Variants in FRMD4A observed in about 807,000 individuals in gnomAD.
FRMD4A encodes FERM domain-containing protein 4A.
Under a neutral mutation model 129.1 loss-of-function variants are expected in FRMD4A, and 29 were observed. That is an observed-to-expected ratio of 0.22 (90% CI 0.17 to 0.31). The LOEUF (loss-of-function observed/expected upper bound fraction) is 0.31. Ranked by LOEUF, FRMD4A falls within the 10% of genes least tolerant of loss-of-function variation. The probability of loss-of-function intolerance (pLI) is 1.00; values close to 1 mark genes in which losing one functional copy is unlikely to be tolerated. For synonymous variants in FRMD4A, 634 were observed against 571.6 expected (o/e 1.11, Z -1.56); for missense variants, 1,272 against 1,375.8 (o/e 0.92, Z 1.19).
intron 2 of FRMD4A, among the ~76,000 whole-genome samples, chr10:14,180,965 T>C (rs1438550906): frequency 6.6e-6 from 1 of 152,226 alleles, no homozygotes; most frequent in African/African-American, 2.4e-5. Flanking sequence ...CGGTATGAGG[T>C]TCTATGCCTT....
intron 2 of FRMD4A, among the ~76,000 whole-genome samples, chr10:14,110,481 T>G (rs1374099411): frequency 6.6e-6 from 1 of 152,208 alleles, no homozygotes; most frequent in Non-Finnish European, 1.5e-5. Context: ...AAGGCTATTC[T>G]CTTTTATAAT....
chr10:13,946,202 C>T (rs2095330081), intron 2 of FRMD4A, among the ~76,000 whole-genome samples: 1 of 152,174 alleles, frequency 6.6e-6, no homozygotes, highest in South Asian at 2.1e-4. Flanking sequence ...CTTCCTGCAC[C>T]TCAGAGCTAG....
intron 2 of FRMD4A, among the ~76,000 whole-genome samples, chr10:14,042,924 C>CAAAA (rs57492155): frequency 6.0e-4 from 38 of 62,822 alleles, no homozygotes; most frequent in South Asian, 7.8e-4. Context: ...GACTCCATCT[C>CAAAA]AAAAAAAAAA....
rs543166783 is a variant in FRMD4A at position 14,150,528 on chromosome 10, T to C, written c.45+179530A>G. The stretch of plus-strand genomic sequence containing the variant: ...CAGCCAATGGATCTGCTTGTACTTC[T>C]TCTACCCTCTCCCAGCCTCCCCCAA... On this transcript the variant is annotated intron_variant, in intron 2 of 24. Transcript: ENST00000357447. Among the ~76,000 whole-genome samples the C allele has an allele frequency of 2.6e-5, 4 of 152,348 alleles. No individual in the cohort carries two copies. In the South Asian group the frequency reaches 8.3e-4, roughly 32 times the overall value.
At chr10:13,884,152 A>ACT (rs375940506) in intron 2 of FRMD4A, among the ~76,000 whole-genome samples, 1 of 23,386 alleles carries the variant, frequency 4.3e-5, no homozygotes, top group Admixed American at 3.1e-4. Flanking sequence ...ACTCTCACAC[A>ACT]CTCTCACACA....
intron 8 of FRMD4A, among the ~76,000 whole-genome samples, chr10:13,760,042 C>G (rs527707257): frequency 6.6e-6 from 1 of 151,644 alleles, no homozygotes; most frequent in South Asian, 2.1e-4. Context: ...AAAAAGAAAC[C>G]AAAAGAAGAA....
intron 4 of FRMD4A, among the ~76,000 whole-genome samples, chr10:13,802,056 T>C (rs2093268130): frequency 6.6e-6 from 1 of 151,056 alleles, no homozygotes; most frequent in East Asian, 1.9e-4. Flanking sequence ...ATTTTTGTTA[T>C]TATGTGACTG....
chr10:13,738,124 C>T (rs2090754531), intron 11 of FRMD4A, among the ~76,000 whole-genome samples, 194 bp from the exon 12 acceptor site: 1 of 152,104 alleles, frequency 6.6e-6, no homozygotes, highest in South Asian at 2.1e-4. Context: ...AAGAGGGTGA[C>T]ATGGGGAGTG....
At chr10:13,659,788 G>A (rs1421555012) in intron 20 of FRMD4A, among the ~76,000 whole-genome samples, 1 of 151,972 alleles carries the variant, frequency 6.6e-6, no homozygotes, top group Admixed American at 6.6e-5. Flanking sequence ...TACCTGTCCT[G>A]GCACCCCCCT....
Position 13,679,460 on chromosome 10 carries a change from A to AATATATAT in FRMD4A, c.1118-4424_1118-4417dup, listed in dbSNP as rs1564591075. Among the ~76,000 whole-genome samples, 55 of 27,510 alleles carry AATATATAT rather than the reference A, an allele frequency of 2.0e-3. 1 individual carries two copies. The highest frequency in any genetic ancestry group is 9.3e-3 in the African/African-American group (50 of 5,370). The allele number at this position is 27,510 out of a possible 152,430, so 18.0% of individuals were successfully genotyped here. Reference sequence around the variant, plus strand: ...AAAAAAAAAAAAAAAAAAAAAAAAAAATATATATATATATACACACACACA... The same window carrying AATATATAT: ...AAAAAAAAAAAAAAAAAAAAAAAAAAATATATATATATATATATATATACACACACACA... On this transcript the variant is annotated intron_variant, in intron 15 of 24. Transcript: ENST00000357447.
intron 2 of FRMD4A, among the ~76,000 whole-genome samples, chr10:14,119,254 C>A (rs59117665): frequency 6.6e-6 from 1 of 152,222 alleles, no homozygotes; most frequent in Admixed American, 6.5e-5. Context: ...CAGCACCTAT[C>A]GGGAGCATCC....
At chr10:14,097,679 TTATATA>T (rs1290899320) in intron 2 of FRMD4A, among the ~76,000 whole-genome samples, 1 of 151,664 alleles carries the variant, frequency 6.6e-6, no homozygotes, top group African/African-American at 2.4e-5. Flanking sequence ...TAGTTTTAGT[TTATATA>T]TAAACTAGTT....
chr10:14,317,868 C>T (rs1228332), intron 2 of FRMD4A, among the ~76,000 whole-genome samples: 132,712 of 152,126 alleles, frequency 0.87, 57,999 homozygotes, highest in Non-Finnish European at 0.88. Context: ...AAATAACTAA[C>T]TGTCCTGTCT....
At chr10:14,166,026 T>C (rs955807100) in intron 2 of FRMD4A, among the ~76,000 whole-genome samples, 15 of 152,042 alleles carry the variant, frequency 9.9e-5, no homozygotes, top group Non-Finnish European at 1.8e-4. Flanking sequence ...AAAACTGTCT[T>C]CATAGTAAAT....
chr10:13,722,227 C>CTTTTTTT (rs1204085901), intron 12 of FRMD4A, among the ~76,000 whole-genome samples: 1 of 126,816 alleles, frequency 7.9e-6, no homozygotes, highest in Non-Finnish European at 1.7e-5. Flanking sequence ...GGCCAGGGCT[C>CTTTTTTT]TTTTTTTTTT....
intron 2 of FRMD4A, among the ~76,000 whole-genome samples, chr10:14,215,053 A>G (rs942652011): frequency 2.0e-5 from 3 of 152,222 alleles, no homozygotes; most frequent in Admixed American, 1.3e-4. Context: ...GATAAAACAT[A>G]TACAGTTTTA....
intron 2 of FRMD4A, among the ~76,000 whole-genome samples, chr10:14,274,558 G>A (rs1007379237): frequency 1.3e-5 from 2 of 152,112 alleles, no homozygotes; most frequent in Admixed American, 6.6e-5. Context: ...TAGAGCTGCC[G>A]CCCCAGTGTG....
At chr10:14,062,852 C>T (rs986991751) in intron 2 of FRMD4A, among the ~76,000 whole-genome samples, 1 of 152,206 alleles carries the variant, frequency 6.6e-6, no homozygotes, top group South Asian at 2.1e-4. Context: ...TGCCATTGCA[C>T]TCCAGTGAAA....
intron 2 of FRMD4A, among the ~76,000 whole-genome samples, chr10:14,069,491 G>A (rs1391795932): frequency 6.6e-6 from 1 of 152,138 alleles, no homozygotes; most frequent in Non-Finnish European, 1.5e-5. Flanking sequence ...CTCAAAAATA[G>A]CTGTTCCCAA....
Sources: allele counts gnomAD v4.1 joint callset (sites outside exome capture counted in the v4.1 genomes callset), GRCh38; gene constraint gnomAD v4.1.1; transcripts MANE v1.5; gene names NCBI Gene and HGNC (gene_info 2026-07-23, HGNC 2026-07-21).